PEX14: variants seen among roughly 807,000 people sequenced by gnomAD.
PEX14 encodes the protein peroxisomal membrane protein PEX14.
Under a neutral mutation model 49.5 loss-of-function variants are expected in PEX14, and 15 were observed. The observed-to-expected ratio is 0.30, with a 90% CI of 0.20 to 0.47. The LOEUF is 0.47. Among genes scored for constraint, PEX14 ranks in the 20% least tolerant of loss-of-function variants. PEX14 has a pLI of 1.00. For missense variants in PEX14, 398 were observed against 494.8 expected, an observed-to-expected ratio of 0.80 and a Z score of 1.86; for synonymous variants, 210 against 212.7, an observed-to-expected ratio of 0.99 and a Z score of 0.11.
intron 2 of PEX14, among the ~76,000 whole-genome samples, chr1:10,510,742 C>T (rs1357622213): frequency 1.3e-4 from 20 of 152,188 alleles, no homozygotes; most frequent in South Asian, 2.1e-4. Flanking sequence ...CACTTATGTG[C>T]GATGGAGATG....
rs940628883 is a variant in PEX14 at position 10,512,104 on chromosome 1, C to T, written c.84+16783C>T. Among the ~76,000 whole-genome samples, 4 of 152,146 alleles carry T rather than the reference C, an allele frequency of 2.6e-5. No individual in the cohort carries two copies. Among genetic ancestry groups the T allele is most frequent in the Admixed American group, 2.6e-4 (4 of 15,272 alleles). On this transcript the variant is annotated intron_variant, in intron 2 of 8. Transcript: ENST00000356607. This position sits in a 1 kb window ranked among gnomAD's most constrained non-coding sequence, Gnocchi z 4.6. ...CTTCCCGAATAACTGGGACTACAGG[C>T]GCCTGCCCCCACGCTCGGCTAATTT...
intron 3 of PEX14, among the ~76,000 whole-genome samples, chr1:10,541,018 GTCTTATTGAT>G (rs1417697695): frequency 1.3e-5 from 2 of 152,202 alleles, no homozygotes; most frequent in African/African-American, 4.8e-5. Context: ...GGAGTTGAAT[GTCTTATTGAT>G]TCTTACCTTT....
intron 4 of PEX14, among the ~76,000 whole-genome samples, chr1:10,616,343 C>T (rs954814497): frequency 1.1e-4 from 17 of 152,196 alleles, no homozygotes; most frequent in Non-Finnish European, 2.1e-4. Context: ...AACGCCAGGA[C>T]ATGGAAGGTA....
intron 3 of PEX14, among the ~76,000 whole-genome samples, chr1:10,537,401 G>A (rs1008102826): frequency 2.1e-5 from 3 of 141,386 alleles, no homozygotes; most frequent in East Asian, 2.1e-4. Context: ...GGCTGGCCTC[G>A]CCACTCCGCA....
chr1:10,593,686 G>A (rs914202692), intron 3 of PEX14, among the ~76,000 whole-genome samples: 23 of 152,136 alleles, frequency 1.5e-4, no homozygotes, highest in East Asian at 3.9e-4. Flanking sequence ...GACAGGTTGG[G>A]GGGCTGGGGG....
Position 10,629,789 on chromosome 1 carries a change from G to A in PEX14, c.936G>A (p.Glu312=), listed in dbSNP as rs1468205563. The part of the protein sequence containing the change: ...VVDVKGQVRM[E]VQGEEEKRED... ...ACGTCAAGGGCCAGGTGCGGATGGA[G>A]GTGCAAGGCGAGGAGGAGAAGAGGG... The change falls in exon 9 of 9, where the codon GAG becomes GAA. Residue 312 remains glutamate, a synonymous_variant. Coordinates refer to ENST00000356607, the MANE Select transcript of PEX14 (RefSeq NM_004565.3). The surrounding 1 kb of genome is among the most constrained non-coding windows in gnomAD (Gnocchi z 8.5). 6.3e-7 allele frequency: 1 copy of A among 1,580,958 alleles called. No individual in the cohort carries two copies. The highest frequency in any genetic ancestry group is 1.1e-5 in the South Asian group (1 of 88,578).
In PEX14 at chr1:10,628,122, G is replaced by A. The variant is rs1641804667; in HGVS notation, c.677+759G>A. ...GGCTAATTTTTGTATTTTTAGTAGA[G>A]GTGGGATTTTGCTATGTTGGCCAGG... is the stretch of plus-strand genomic sequence containing the variant. On this transcript the variant is annotated intron_variant, in intron 8 of 8. Coordinates refer to ENST00000356607, the MANE Select transcript of PEX14 (RefSeq NM_004565.3). The surrounding 1 kb of genome is among the most constrained non-coding windows in gnomAD (Gnocchi z 4.5). Among the ~76,000 whole-genome samples the A allele has an allele frequency of 6.6e-6, 1 of 152,192 alleles. No individual in the cohort carries two copies. Among genetic ancestry groups the A allele is most frequent in the Admixed American group, 6.5e-5 (1 of 15,280 alleles).
intron 1 of PEX14, among the ~76,000 whole-genome samples, chr1:10,485,990 T>G (rs1278464927): frequency 6.6e-6 from 1 of 152,050 alleles, no homozygotes; most frequent in Non-Finnish European, 1.5e-5. Context: ...ACTCCTGACC[T>G]CAGGTGATCT....
chr1:10,476,061 A>C (rs889833593), intron 1 of PEX14, among the ~76,000 whole-genome samples: 2 of 152,188 alleles, frequency 1.3e-5, no homozygotes, highest in Non-Finnish European at 2.9e-5. Context: ...AATAGTTTCA[A>C]CTTGGGGCCT....
At chr1:10,536,468 C>T (rs569348984) in intron 3 of PEX14, 171 bp downstream of exon 3, 1 of 653,422 alleles carries the variant, frequency 1.5e-6, no homozygotes, top group Admixed American at 2.5e-5. Flanking sequence ...GGTTTCTTTC[C>T]TGACAATGGA....
At chr1:10,606,410 G>A (rs751621463) in intron 4 of PEX14, among the ~76,000 whole-genome samples, 4 of 152,224 alleles carry the variant, frequency 2.6e-5, no homozygotes, top group Admixed American at 6.5e-5. Context: ...GCTGGATCTT[G>A]CATGGCTATC....
chr1:10,561,322 A>G (rs1338551083), intron 3 of PEX14, among the ~76,000 whole-genome samples: 1 of 152,110 alleles, frequency 6.6e-6, no homozygotes, highest in Admixed American at 6.6e-5. Flanking sequence ...TGTGCTGTGC[A>G]TTTCACTGCC....
rs58295618 is a variant in PEX14, at chr1:10,568,323, T to TCC, written c.170-30901_170-30900dup. On this transcript the variant is annotated intron_variant, in intron 3 of 8. Coordinates refer to ENST00000356607, the MANE Select transcript of PEX14 (RefSeq NM_004565.3). ...ACACATATACACAAGTAGATACTCT[T>TCC]CCCCCCCCCCCCCCCACTCCCACTA... is the stretch of plus-strand genomic sequence containing the variant. Among the ~76,000 whole-genome samples the TCC allele has an allele frequency of 5.1e-5, 6 of 118,748 alleles. 1 individual carries two copies. Among genetic ancestry groups the TCC allele is most frequent in the Admixed American group, 1.7e-4 (2 of 11,924 alleles). The allele number at this position is 118,748 out of a possible 152,430, so 77.9% of individuals were successfully genotyped here. A position where few individuals can be genotyped will look rare whatever the true frequency, so the allele number is the denominator to read the frequency against.
rs1262644989 is a variant in PEX14 at position 10,546,333 on chromosome 1, AGGC to A, written c.169+10037_169+10039del. Among the ~76,000 whole-genome samples, 4 of 152,044 alleles carry A rather than the reference AGGC, an allele frequency of 2.6e-5. No homozygotes were observed. In the East Asian group the frequency reaches 5.8e-4, roughly 22 times the overall value. ...GTAATCCCAGCACTTTGGGAGGCCC[AGGC>A]AGGTGGATGACTTGAGGTCAGGAGT... is the stretch of plus-strand genomic sequence containing the variant. On this transcript the variant is annotated intron_variant, in intron 3 of 8. Transcript: ENST00000356607.
intron 1 of PEX14, among the ~76,000 whole-genome samples, chr1:10,488,639 A>G (rs951542723): frequency 4.0e-5 from 6 of 151,472 alleles, no homozygotes; most frequent in Non-Finnish European, 7.4e-5. Flanking sequence ...AGCTGGGACT[A>G]CAGGTGCCCG....
At chr1:10,480,387 CTTTTTTTTTT>C (rs34544712) in intron 1 of PEX14, among the ~76,000 whole-genome samples, 3 of 87,290 alleles carry the variant, frequency 3.4e-5, no homozygotes, top group African/African-American at 1.1e-4. Flanking sequence ...GCCTGGCTAA[CTTTTTTTTTT>C]TTTTTTTTTT....
chr1:10,630,212 G>C lies in PEX14; in HGVS notation c.*225G>C, dbSNP rs1641884467. On this transcript the variant is annotated 3_prime_UTR_variant, in exon 9 of 9. Coordinates refer to ENST00000356607, the MANE Select transcript of PEX14 (RefSeq NM_004565.3). The surrounding 1 kb of genome is among the most constrained non-coding windows in gnomAD (Gnocchi z 4.1). ...GCCCCAGCCCCAGCCCCAGCCCCAGGCCCAGCTGCCTTTGGCTTTGATCTC... is the reference window on the plus strand; with the variant it reads ...GCCCCAGCCCCAGCCCCAGCCCCAGCCCCAGCTGCCTTTGGCTTTGATCTC... 2 of 682,022 alleles carry C rather than the reference G, an allele frequency of 2.9e-6. No individual in the cohort carries two copies. Among genetic ancestry groups the C allele is most frequent in the Admixed American group, 5.9e-5 (2 of 33,816 alleles). The allele number at this position is 682,022 out of a possible 1,614,324, so 42.2% of individuals were successfully genotyped here.
intron 3 of PEX14, among the ~76,000 whole-genome samples, chr1:10,541,549 G>A (rs1639013694): frequency 6.6e-6 from 1 of 152,238 alleles, no homozygotes; most frequent in Admixed American, 6.5e-5. Flanking sequence ...GGAGCAGGCA[G>A]GGCTGTGTGG....
At chr1:10,571,204 T>C (rs561501617) in intron 3 of PEX14, among the ~76,000 whole-genome samples, 1 of 152,026 alleles carries the variant, frequency 6.6e-6, no homozygotes, top group African/African-American at 2.4e-5. Flanking sequence ...TACACAACTT[T>C]AGAATCTAAT....
Sources: allele counts gnomAD v4.1 joint callset (sites outside exome capture counted in the v4.1 genomes callset), GRCh38; gene constraint gnomAD v4.1.1; non-coding constraint Gnocchi (gnomAD v3.1); transcripts MANE v1.5; gene names NCBI Gene and HGNC (gene_info 2026-07-23, HGNC 2026-07-21).